Variants in CREB1 observed in about 807,000 individuals in gnomAD.
The protein encoded by CREB1 is cAMP responsive element binding protein 1, also known as cyclic AMP-responsive element-binding protein 1.
Under a neutral mutation model 42.0 loss-of-function variants are expected in CREB1, and 2 were observed. That is an observed-to-expected ratio of 0.05 (90% confidence interval 0.02 to 0.15). The LOEUF is 0.15. Among genes scored for constraint, CREB1 ranks in the 10% least tolerant of loss-of-function variants. The pLI is 1.00. For missense variants in CREB1, 199 were observed against 388.9 expected (o/e 0.51, Z 4.11); for synonymous variants, 123 against 139.9 (o/e 0.88, Z 0.85).
chr2:207,584,561 C>T (rs527613886), intron 7 of CREB1, among the ~76,000 whole-genome samples: 1 of 152,202 alleles, frequency 6.6e-6, no homozygotes, highest in Middle Eastern at 3.4e-3. Flanking sequence ...CCTGCCACCA[C>T]GTCTGATTTT....
intron 1 of CREB1, among the ~76,000 whole-genome samples, chr2:207,537,194 A>G (rs2080909792): frequency 6.6e-6 from 1 of 151,886 alleles, no homozygotes; most frequent in Non-Finnish European, 1.5e-5. Context: ...AGCTGGGATT[A>G]CAGGCGCCTG....
chr2:207,586,200 A>C (rs1366147636), intron 7 of CREB1, among the ~76,000 whole-genome samples: 1 of 152,214 alleles, frequency 6.6e-6, no homozygotes, highest in African/African-American at 2.4e-5. Context: ...ATATACTACA[A>C]AGCTATAGTA....
chr2:207,554,022 T>C (rs1267392904), intron 1 of CREB1, among the ~76,000 whole-genome samples: 1 of 152,234 alleles, frequency 6.6e-6, no homozygotes, highest in Non-Finnish European at 1.5e-5. Flanking sequence ...ATAATTGTTT[T>C]CAGGGGTTTT....
chr2:207,530,515 A>C, intron 1 of CREB1, among the ~76,000 whole-genome samples: 1 of 142,200 alleles, frequency 7.0e-6, no homozygotes, highest in Non-Finnish European at 1.6e-5. Context: ...GGAGCCGGGA[A>C]CCCGGAGCCG....
intron 1 of CREB1, among the ~76,000 whole-genome samples, chr2:207,542,551 C>G (rs2081137031): frequency 6.6e-6 from 1 of 151,980 alleles, no homozygotes; most frequent in South Asian, 2.1e-4. Flanking sequence ...GTTTATTATT[C>G]TAGATACAAA....
At chr2:207,554,861 G>T (rs2081652135) in intron 1 of CREB1, among the ~76,000 whole-genome samples, 1 of 152,086 alleles carries the variant, frequency 6.6e-6, no homozygotes, top group African/African-American at 2.4e-5. Context: ...CTCTAATTTG[G>T]CTCTGTGGCC....
At position 207,600,411 on chromosome 2, in the gene CREB1, C is replaced by CA. The variant is rs1237544934; in HGVS notation, c.*3354dup. The CA allele has an allele frequency of 1.0e-5, 2 of 194,112 alleles. No individual in the cohort carries two copies. The highest frequency in any genetic ancestry group is 1.2e-4 in the Admixed American group (2 of 16,362). The allele number at this position is 194,112 out of a possible 1,614,324, so 12.0% of individuals were successfully genotyped here. A position where few individuals can be genotyped will look rare whatever the true frequency, so the allele number is the denominator to read the frequency against. On this transcript the variant is annotated 3_prime_UTR_variant, in exon 8 of 8. Transcript: ENST00000353267. ...TCTATGACTGCATTACTCCAGCACT[C>CA]ATGATTGATTTTATCTTCTAATTTT...
rs1020597737 is a variant in CREB1 at position 207,578,808 on chromosome 2, C to T, written c.839+1153C>T. Among the ~76,000 whole-genome samples the T allele has an allele frequency of 4.6e-5, 7 of 151,264 alleles. No individual in the cohort carries two copies. The South Asian group carries it at 6.2e-4, about 13-fold the overall frequency. On this transcript the variant is annotated intron_variant, in intron 7 of 7. Coordinates refer to ENST00000353267, the MANE Select transcript of CREB1 (RefSeq NM_004379.5). ...GCCAAGTGACTTTTTTTTTTTCTCC[C>T]GAGATGAAGTCTTGCTCTGTCACCC...
intron 1 of CREB1, among the ~76,000 whole-genome samples, chr2:207,535,981 C>T (rs1402810671): frequency 2.0e-5 from 3 of 151,796 alleles, no homozygotes; most frequent in Admixed American, 6.6e-5. Flanking sequence ...CCACCAGGCC[C>T]GGCTAATTTT....
In CREB1 at chr2:207,603,724, G is replaced by A. The variant is rs563052878; in HGVS notation, c.*6666G>A. Among the ~76,000 whole-genome samples, 23 of 152,240 alleles carry A rather than the reference G, an allele frequency of 1.5e-4. No individual in the cohort carries two copies. In the East Asian group the frequency reaches 3.7e-3, roughly 24 times the overall value. On this transcript the variant is annotated 3_prime_UTR_variant, in exon 8 of 8. Coordinates refer to ENST00000353267, the MANE Select transcript of CREB1 (RefSeq NM_004379.5). ...AGCTGTGTCTGATGTCATAAAACAC[G>A]TGTTCACTGAAAGGACAATAAGACT...
rs1290011290 is a variant in CREB1, at chr2:207,601,034, A to T, written c.*3976A>T. 5.3e-6 allele frequency: 1 copy of T among 189,558 alleles called. No individual in the cohort carries two copies. The highest frequency in any genetic ancestry group is 1.1e-5 in the Non-Finnish European group (1 of 90,344). 11.7% of individuals were successfully genotyped at this position (189,558 alleles called of 1,614,324 possible). A position where few individuals can be genotyped will look rare whatever the true frequency, so the allele number is the denominator to read the frequency against. Reference sequence around the variant, plus strand: ...ACGGCTGCTTCATTTTGCAGGATTAAGTAGGGCTAATGTATCTTAAAGTTA... The same window carrying T: ...ACGGCTGCTTCATTTTGCAGGATTATGTAGGGCTAATGTATCTTAAAGTTA... On this transcript the variant is annotated 3_prime_UTR_variant, in exon 8 of 8. Transcript: ENST00000353267.
At chr2:207,582,144 G>A in intron 7 of CREB1, 1 of 702,880 alleles carries the variant, frequency 1.4e-6, no homozygotes, top group Non-Finnish European at 2.6e-6. Context: ...AAGGGGAGGA[G>A]AATTAAATTC....
intron 5 of CREB1, among the ~76,000 whole-genome samples, chr2:207,572,167 A>C (rs922144263): frequency 6.7e-6 from 1 of 149,368 alleles, no homozygotes; most frequent in Non-Finnish European, 1.5e-5. Context: ...CGGAGCTGGC[A>C]GTGAGCTGAG....
chr2:207,596,094 G>C (rs2086107059), intron 7 of CREB1, among the ~76,000 whole-genome samples: 1 of 152,146 alleles, frequency 6.6e-6, no homozygotes, highest in South Asian at 2.1e-4. Context: ...AAGTTTTATA[G>C]TTTTAGGTCT....
At chr2:207,536,353 G>A (rs1204378938) in intron 1 of CREB1, among the ~76,000 whole-genome samples, 7 of 151,958 alleles carry the variant, frequency 4.6e-5, no homozygotes, top group Non-Finnish European at 8.8e-5. Flanking sequence ...TCAGGAGTTC[G>A]AGACCAGCCT....
At chr2:207,570,802 T>A (rs1342620959) in intron 5 of CREB1, among the ~76,000 whole-genome samples, 1 of 152,192 alleles carries the variant, frequency 6.6e-6, no homozygotes, top group East Asian at 1.9e-4. Context: ...CACATTCAAT[T>A]ATTCCTTTTC....
intron 6 of CREB1, chr2:207,577,208 T>TAG: frequency 8.9e-7 from 1 of 1,119,490 alleles, no homozygotes; most frequent in South Asian, 2.4e-5. Context: ...GTGCCCCACT[T>TAG]ACCTTTTAGA....
intron 3 of CREB1, among the ~76,000 whole-genome samples, chr2:207,566,987 G>T (rs2082163819): frequency 1.3e-5 from 2 of 151,896 alleles, no homozygotes; most frequent in African/African-American, 2.4e-5. Flanking sequence ...AACTTGCTAG[G>T]AACAACTGTC....
rs564203437 is a variant in CREB1 at position 207,544,660 on chromosome 2, C to T, written c.-8-10968C>T. Among the ~76,000 whole-genome samples the T allele has an allele frequency of 8.5e-5, 13 of 152,210 alleles. 1 individual carries two copies. In the East Asian group the frequency reaches 9.7e-4, roughly 11 times the overall value. On this transcript the variant is annotated intron_variant, in intron 1 of 7. Transcript: ENST00000353267. Reference sequence around the variant, plus strand: ...TTTGCTGCACACATCATCCCATCACCCAGGTATTAAGCCCAGCATTCACCA... The same window carrying T: ...TTTGCTGCACACATCATCCCATCACTCAGGTATTAAGCCCAGCATTCACCA...
Sources: gnomAD v4.1 joint callset for allele counts (sites outside exome capture counted in the v4.1 genomes callset) on GRCh38, gnomAD v4.1.1 for gene constraint, MANE v1.5 for transcripts, NCBI Gene and HGNC (gene_info 2026-07-23, HGNC 2026-07-21) for gene names.